ADGRE1: variants seen among roughly 807,000 people sequenced by gnomAD.
ADGRE1 encodes the protein EGF-like module receptor 1.
In ADGRE1, 82 loss-of-function variants were observed where a neutral mutation model predicts 102.7. The ratio of observed to expected loss-of-function variants is 0.80; its 90% CI spans 0.67 to 0.96. The LOEUF (loss-of-function observed/expected upper bound fraction) is 0.96, where lower values mean the gene tolerates loss of function less well. Ranked by LOEUF, ADGRE1 falls within the 40% of genes least tolerant of loss-of-function variation. The pLI, the probability that ADGRE1 is intolerant of heterozygous loss-of-function variation, is 0.00. For synonymous variants in ADGRE1, 398 were observed against 399.6 expected (o/e 1.00, Z 0.05); for missense variants, 1,032 against 1,085.3 (o/e 0.95, Z 0.69).
At chr19:6,923,268 C>T (rs546117526) in intron 14 of ADGRE1, among the ~76,000 whole-genome samples, 83 of 152,258 alleles carry the variant, frequency 5.5e-4, no homozygotes, top group African/African-American at 1.9e-3. Flanking sequence ...GGAAAAGTCA[C>T]TTAACTTCTC....
chr19:6,903,747 G>A (rs984305978), intron 6 of ADGRE1, 63 bp from the exon 7 acceptor site: 2 of 1,600,694 alleles, frequency 1.2e-6, no homozygotes, highest in African/African-American at 1.3e-5. Flanking sequence ...ATTTTGCAAA[G>A]GGAAGCATGA....
chr19:6,889,763 A>C (rs2144873693), intron 1 of ADGRE1, among the ~76,000 whole-genome samples: 1 of 151,604 alleles, frequency 6.6e-6, no homozygotes, highest in Non-Finnish European at 1.5e-5. Flanking sequence ...TACTACAGAT[A>C]TACTGTATAC....
intron 17 of ADGRE1, among the ~76,000 whole-genome samples, chr19:6,930,302 G>A (rs1266616199): frequency 6.6e-6 from 1 of 152,160 alleles, no homozygotes; most frequent in Non-Finnish European, 1.5e-5. Context: ...GGAGGCCAGG[G>A]AATGTTAAAC....
chr19:6,896,368 T>A (rs1277777747), intron 2 of ADGRE1, 30 bp from the exon 3 acceptor site: 1 of 1,610,062 alleles, frequency 6.2e-7, no homozygotes, highest in Non-Finnish European at 8.5e-7. Flanking sequence ...GCTCTAATCT[T>A]GTCTAAACTT....
chr19:6,897,089 T>TTTCAAAATACAGTCTTC, intron 3 of ADGRE1, 60 bp from the exon 4 acceptor site: 1 of 1,259,572 alleles, frequency 7.9e-7, no homozygotes, highest in Non-Finnish European at 1.1e-6. Context: ...TTTTTTTTTT[T>TTTCAAAATACAGTCTTC]TGCAAAATAC....
At chr19:6,923,409 C>T (rs1264598899) in intron 14 of ADGRE1, among the ~76,000 whole-genome samples, 4 of 152,304 alleles carry the variant, frequency 2.6e-5, no homozygotes, top group Non-Finnish European at 2.9e-5. Context: ...CCTAAAACAA[C>T]TCTATAAGGC....
intron 2 of ADGRE1, among the ~76,000 whole-genome samples, chr19:6,893,901 T>C (rs1973463499): frequency 6.6e-6 from 1 of 152,186 alleles, no homozygotes; most frequent in African/African-American, 2.4e-5. Flanking sequence ...GGAAGAACTA[T>C]TTTCTTACTT....
At chr19:6,894,152 T>C (rs1323507333) in intron 2 of ADGRE1, among the ~76,000 whole-genome samples, 1 of 152,230 alleles carries the variant, frequency 6.6e-6, no homozygotes, top group Non-Finnish European at 1.5e-5. Flanking sequence ...GCAACCTTAA[T>C]TCCTCCTTCG....
rs150998423 is a variant in ADGRE1 at position 6,930,930 on chromosome 19, T to C, written c.2289+2719T>C. On this transcript the variant is annotated intron_variant, in intron 17 of 20. Transcript: ENST00000312053. Reference sequence around the variant, plus strand: ...CTGGGATTACAGGCATGAGCCACTGTGTCCAGCCTCTCCTGGTTATTTTTA... The same window carrying C: ...CTGGGATTACAGGCATGAGCCACTGCGTCCAGCCTCTCCTGGTTATTTTTA... Among the ~76,000 whole-genome samples the C allele has an allele frequency of 7.6e-3, 1,157 of 152,076 alleles. 20 individuals are homozygous for C. The highest frequency in any genetic ancestry group is 0.026 in the African/African-American group (1,096 of 41,518).
chr19:6,901,741 G>C, intron 5 of ADGRE1, 134 bp from the exon 6 acceptor site: 3 of 925,864 alleles, frequency 3.2e-6, no homozygotes, highest in Non-Finnish European at 3.3e-6. Flanking sequence ...CTGGGAAGAA[G>C]GGGGGAACAT....
At chr19:6,916,703 A>G (rs1414186146) in intron 12 of ADGRE1, among the ~76,000 whole-genome samples, 2 of 152,010 alleles carry the variant, frequency 1.3e-5, no homozygotes, top group African/African-American at 4.8e-5. Context: ...AAGAAGGATT[A>G]AAACGTCTCA....
At chr19:6,897,062 T>C (rs1973580395) in intron 3 of ADGRE1, 87 bp from the exon 4 acceptor site, 3 of 1,338,832 alleles carry the variant, frequency 2.2e-6, no homozygotes, top group Admixed American at 2.7e-5. Context: ...ATGGGAGATA[T>C]TGTTTTAACT....
chr19:6,936,842 C>T (rs2445794), intron 18 of ADGRE1, among the ~76,000 whole-genome samples: 104,429 of 151,632 alleles, frequency 0.69, 36,290 homozygotes, highest in Non-Finnish European at 0.74. Context: ...AGGCTGGGCT[C>T]GAACTCCTGT....
chr19:6,916,429 T>A, intron 12 of ADGRE1, 61 bp downstream of exon 12: 1 of 1,553,196 alleles, frequency 6.4e-7, no homozygotes. Context: ...TATTTATCGA[T>A]CCCTTTCTAG....
rs775570503 is a variant in ADGRE1, at chr19:6,887,612, C to T, written c.4C>T (p.Arg2Cys). ...TGAATGACAGAACTACAGCATAATG[C>T]GTGGCTTCAACCTGCTCCTCTTCTG... M[R>C]GFNLLLFWGC... The change falls in exon 1 of 21, where the codon CGT becomes TGT. Residue 2 changes from arginine (R) to cysteine (C), a missense_variant. Coordinates refer to ENST00000312053, the MANE Select transcript of ADGRE1 (RefSeq NM_001974.5). 3.8e-5 allele frequency: 61 copies of T among 1,612,390 alleles called. No individual in the cohort carries two copies. The Admixed American group carries it at 6.2e-4, about 16-fold the overall frequency.
At chr19:6,911,384 A>ATTTT (rs1974168471) in intron 10 of ADGRE1, among the ~76,000 whole-genome samples, 1 of 34,766 alleles carries the variant, frequency 2.9e-5, no homozygotes, top group African/African-American at 6.2e-5. Context: ...GATTCCTTTT[A>ATTTT]GTTTTTTTTT....
In ADGRE1 at chr19:6,893,448, G is replaced by A. The variant is rs1386243546; in HGVS notation, c.94+2905G>A. ...ACTCCCGATCTCAGGTGATCTGCCC[G>A]CCTTGGCCTCCCAGTGTGCTGGGAT... On this transcript the variant is annotated intron_variant, in intron 2 of 20. Coordinates refer to ENST00000312053, the MANE Select transcript of ADGRE1 (RefSeq NM_001974.5). Among the ~76,000 whole-genome samples, 8 of 152,114 alleles carry A rather than the reference G, an allele frequency of 5.3e-5. No individual in the cohort carries two copies. In the East Asian group the frequency reaches 7.7e-4, roughly 15 times the overall value.
At chr19:6,903,371 C>T (rs1297166342) in intron 6 of ADGRE1, among the ~76,000 whole-genome samples, 1 of 152,168 alleles carries the variant, frequency 6.6e-6, no homozygotes, top group African/African-American at 2.4e-5. Flanking sequence ...GAGTTGAGTC[C>T]TGTTTCCTGC....
intron 2 of ADGRE1, among the ~76,000 whole-genome samples, chr19:6,892,527 C>A (rs1973417993): frequency 6.6e-6 from 1 of 152,162 alleles, no homozygotes; most frequent in Non-Finnish European, 1.5e-5. Flanking sequence ...AGTGCAGTCA[C>A]CCCCTCCTTG....
Sources: gnomAD v4.1 joint callset for allele counts (sites outside exome capture counted in the v4.1 genomes callset) on GRCh38, gnomAD v4.1.1 for gene constraint, MANE v1.5 for transcripts, NCBI Gene and HGNC (gene_info 2026-07-23, HGNC 2026-07-21) for gene names.